Variants in AKAP6 observed in about 807,000 individuals in gnomAD.
The protein encoded by AKAP6 is A-kinase anchor protein 6.
A neutral mutation model predicts 188.5 loss-of-function variants in AKAP6; 58 were observed. The ratio of observed to expected loss-of-function variants is 0.31; its 90% confidence interval spans 0.25 to 0.38. AKAP6 has a LOEUF of 0.38. Among genes scored for constraint, AKAP6 ranks in the 10% least tolerant of loss-of-function variants. The pLI is 1.00. For missense variants in AKAP6, 2,710 were observed against 2,740.0 expected, an observed-to-expected ratio of 0.99 and a Z score of 0.24; for synonymous variants, 989 against 998.6, an observed-to-expected ratio of 0.99 and a Z score of 0.18.
At chr14:32,333,560 G>A (rs1214300865) in intron 1 of AKAP6, among the ~76,000 whole-genome samples, 1 of 152,056 alleles carries the variant, frequency 6.6e-6, no homozygotes, top group Non-Finnish European at 1.5e-5. Context: ...TATTAGAGAA[G>A]CCCATTATCT....
At chr14:32,346,416 T>C (rs1437627973) in intron 1 of AKAP6, among the ~76,000 whole-genome samples, 2 of 152,256 alleles carry the variant, frequency 1.3e-5, no homozygotes, top group Non-Finnish European at 2.9e-5. Context: ...AGTATGTTTG[T>C]ATTGCATTTT....
intron 2 of AKAP6, among the ~76,000 whole-genome samples, chr14:32,445,323 G>A (rs1347092658): frequency 1.3e-5 from 2 of 152,020 alleles, no homozygotes; most frequent in African/African-American, 4.8e-5. Context: ...TCATCTGCTT[G>A]GTTAAACCAT....
chr14:32,376,759 C>A (rs1888168441), intron 1 of AKAP6, among the ~76,000 whole-genome samples: 1 of 152,112 alleles, frequency 6.6e-6, no homozygotes, highest in Non-Finnish European at 1.5e-5. Context: ...TGCAGTGGCG[C>A]CATCTCGGCT....
At chr14:32,701,588 G>A (rs1890622537) in intron 9 of AKAP6, among the ~76,000 whole-genome samples, 1 of 151,982 alleles carries the variant, frequency 6.6e-6, no homozygotes, top group African/African-American at 2.4e-5. Context: ...CTGAGGAATA[G>A]GAAATATAGA....
intron 1 of AKAP6, among the ~76,000 whole-genome samples, chr14:32,352,992 T>C (rs1190008889): frequency 2.6e-5 from 4 of 152,218 alleles, no homozygotes; most frequent in Non-Finnish European, 5.9e-5. Context: ...ATAACAGCTG[T>C]ACTAATTTAC....
chr14:32,646,530 T>C (rs1594809329), intron 7 of AKAP6, among the ~76,000 whole-genome samples: 1 of 152,184 alleles, frequency 6.6e-6, no homozygotes, highest in Admixed American at 6.5e-5. Context: ...AGGCTGCCAT[T>C]ATTCCTGAAA....
At chr14:32,795,776 C>A (rs1382745832) in intron 12 of AKAP6, among the ~76,000 whole-genome samples, 1 of 152,174 alleles carries the variant, frequency 6.6e-6, no homozygotes, top group Non-Finnish European at 1.5e-5. Context: ...ACTGGAAGTT[C>A]TGCCCAGCAC....
intron 11 of AKAP6, among the ~76,000 whole-genome samples, chr14:32,746,589 C>G (rs1450987983): frequency 6.6e-6 from 1 of 152,110 alleles, no homozygotes; most frequent in African/African-American, 2.4e-5. Context: ...GTGTACTTGT[C>G]AAGAGGTACA....
At chr14:32,653,435 A>G (rs8020272) in intron 7 of AKAP6, among the ~76,000 whole-genome samples, 6,018 of 151,990 alleles carry the variant, frequency 0.04, 403 homozygotes, top group African/African-American at 0.14. Context: ...TGGTCATTTA[A>G]AAGTGTTTGA....
intron 2 of AKAP6, among the ~76,000 whole-genome samples, chr14:32,505,923 T>C (rs891450815): frequency 6.6e-6 from 1 of 152,032 alleles, no homozygotes; most frequent in Non-Finnish European, 1.5e-5. Flanking sequence ...CAGGCAAAAA[T>C]TATTAAGGGT....
chr14:32,461,378 G>A (rs954067991), intron 2 of AKAP6, among the ~76,000 whole-genome samples: 2 of 152,200 alleles, frequency 1.3e-5, no homozygotes, highest in African/African-American at 2.4e-5. Context: ...CCAGAGGAAG[G>A]AGCAGGCAGC....
At chr14:32,426,497 A>T (rs17099064) in intron 1 of AKAP6, among the ~76,000 whole-genome samples, 3 of 152,262 alleles carry the variant, frequency 2.0e-5, no homozygotes, top group Admixed American at 1.3e-4. Context: ...CCTTTACCTT[A>T]ATAGCATTGA....
rs199596495 is a variant in AKAP6, at chr14:32,745,080, T to C, written c.3372+9198T>C. Among the ~76,000 whole-genome samples the C allele has an allele frequency of 1.4e-4, 21 of 152,314 alleles. No homozygotes were observed. In the East Asian group the frequency reaches 2.9e-3, roughly 21 times the overall value. On this transcript the variant is annotated intron_variant, in intron 11 of 13. Transcript: ENST00000280979. ...ATTTGTCTGAAAGGTCACATATCTC[T>C]GTTTCTCCTGGACTGGTCTCTTGTG...
Position 32,545,183 on chromosome 14 carries a change from G to A in AKAP6, c.577-47G>A, listed in dbSNP as rs773051765. ...TTTCATTTACATAGCAGCTGATGTT[G>A]TAATTGATGTTGCATTTACTGAAAC... On this transcript the variant is annotated intron_variant, in intron 3 of 13. Coordinates refer to ENST00000280979, the MANE Select transcript of AKAP6 (RefSeq NM_004274.5). 3 of 1,540,574 alleles carry A rather than the reference G, an allele frequency of 1.9e-6. No individual in the cohort carries two copies. In the Admixed American group the frequency reaches 5.1e-5, roughly 26 times the overall value.
chr14:32,456,469 A>G (rs1163463838), intron 2 of AKAP6, among the ~76,000 whole-genome samples: 1 of 152,244 alleles, frequency 6.6e-6, no homozygotes, highest in East Asian at 1.9e-4. Context: ...CACCAAATAC[A>G]ACTGTTTTCA....
intron 7 of AKAP6, among the ~76,000 whole-genome samples, chr14:32,642,784 A>T (rs139877529): frequency 3.1e-4 from 47 of 152,182 alleles, no homozygotes; most frequent in African/African-American, 1.1e-3. Context: ...TCGATGCACA[A>T]GGATTTACAT....
At chr14:32,551,553 C>T (rs1347889993) in intron 4 of AKAP6, among the ~76,000 whole-genome samples, 140 of 126,390 alleles carry the variant, frequency 1.1e-3, no homozygotes, top group African/African-American at 3.7e-3. Context: ...GCCTGGGCAA[C>T]GGAGCAAGAC....
At chr14:32,510,068 AT>A (rs1594691530) in intron 2 of AKAP6, among the ~76,000 whole-genome samples, 1 of 152,080 alleles carries the variant, frequency 6.6e-6, no homozygotes, top group East Asian at 1.9e-4. Flanking sequence ...ACTTGGCTGT[AT>A]TACTTTGTGG....
chr14:32,352,585 G>T (rs1376014126), intron 1 of AKAP6, among the ~76,000 whole-genome samples: 1 of 151,958 alleles, frequency 6.6e-6, no homozygotes, highest in Non-Finnish European at 1.5e-5. Flanking sequence ...CTCAGCCTTT[G>T]GTAATCACCA....
Sources: allele counts gnomAD v4.1 joint callset (sites outside exome capture counted in the v4.1 genomes callset), GRCh38; gene constraint gnomAD v4.1.1; transcripts MANE v1.5; gene names NCBI Gene and HGNC (gene_info 2026-07-23, HGNC 2026-07-21).